Variants in MRPL1 observed in about 807,000 individuals in gnomAD.
The protein encoded by MRPL1 is large ribosomal subunit protein uL1m.
A neutral mutation model predicts 38.0 loss-of-function variants in MRPL1; 28 were observed. The ratio of observed to expected loss-of-function variants is 0.74; its 90% CI spans 0.55 to 1.01. The LOEUF (loss-of-function observed/expected upper bound fraction) is 1.01. MRPL1 is among the 50% of genes least tolerant of loss of function. The probability of loss-of-function intolerance (pLI) is 0.00; values close to 1 mark genes in which losing one functional copy is unlikely to be tolerated. For synonymous variants in MRPL1, 123 were observed against 126.7 expected (o/e 0.97, Z 0.20); for missense variants, 358 against 389.8 (o/e 0.92, Z 0.69).
intron 1 of MRPL1, among the ~76,000 whole-genome samples, chr4:77,867,117 A>G (rs1735165149): frequency 6.6e-6 from 1 of 152,106 alleles, no homozygotes; most frequent in Admixed American, 6.5e-5. Flanking sequence ...TTCCACTGAT[A>G]CAATCCCTTT....
chr4:77,920,535 T>C (rs1736543618), intron 7 of MRPL1, among the ~76,000 whole-genome samples: 1 of 152,192 alleles, frequency 6.6e-6, no homozygotes, highest in Non-Finnish European at 1.5e-5. Context: ...TAGTAAGCTC[T>C]TTCCCAAAAA....
intron 7 of MRPL1, among the ~76,000 whole-genome samples, chr4:77,937,605 T>G (rs1737018015): frequency 6.6e-6 from 1 of 152,202 alleles, no homozygotes; most frequent in Non-Finnish European, 1.5e-5. Flanking sequence ...TACCACCCAG[T>G]CTTTACAGAT....
chr4:77,907,915 A>T (rs1736196580), intron 6 of MRPL1, among the ~76,000 whole-genome samples: 1 of 143,624 alleles, frequency 7.0e-6, no homozygotes. Flanking sequence ...TTTGAGACAG[A>T]GTCTTGCTCT....
chr4:77,864,977 C>T (rs950199490), intron 1 of MRPL1, among the ~76,000 whole-genome samples: 1 of 150,986 alleles, frequency 6.6e-6, no homozygotes, highest in Non-Finnish European at 1.5e-5. Flanking sequence ...GCAACCTCTG[C>T]CTCCCGGGTT....
chr4:77,895,448 C>T (rs369452188), intron 6 of MRPL1, among the ~76,000 whole-genome samples: 16 of 152,098 alleles, frequency 1.1e-4, no homozygotes, highest in African/African-American at 3.9e-4. Flanking sequence ...TTAATGGAAA[C>T]AGGGAGTACA....
At position 77,871,589 on chromosome 4, in the gene MRPL1, A is replaced by C. The variant is rs144313974; in HGVS notation, c.32-155A>C. Among the ~76,000 whole-genome samples, 1,022 of 152,262 alleles carry C rather than the reference A, an allele frequency of 6.7e-3. 10 individuals are homozygous for C. The highest frequency in any genetic ancestry group is 0.023 in the African/African-American group (954 of 41,550). On this transcript the variant is annotated intron_variant, in intron 1 of 8. Coordinates refer to ENST00000315567, the MANE Select transcript of MRPL1 (RefSeq NM_020236.4). ...AAAGTACTGGGATTACAGGCATGAGACACTGTGCCTGGCTATTATTACACT... is the reference window on the plus strand; with the variant it reads ...AAAGTACTGGGATTACAGGCATGAGCCACTGTGCCTGGCTATTATTACACT...
chr4:77,908,632 A>T (rs950196822), intron 6 of MRPL1, among the ~76,000 whole-genome samples: 1 of 152,206 alleles, frequency 6.6e-6, no homozygotes, highest in East Asian at 1.9e-4. Flanking sequence ...ATACTTAGGT[A>T]TTAGTTATCC....
intron 7 of MRPL1, among the ~76,000 whole-genome samples, chr4:77,947,012 A>G (rs1244837001): frequency 2.7e-5 from 1 of 36,756 alleles, no homozygotes; most frequent in Non-Finnish European, 7.1e-5. Context: ...TCAATGGGAC[A>G]AAAAAAAAAA....
At chr4:77,907,223 A>T in intron 6 of MRPL1, 1 of 934,894 alleles carries the variant, frequency 1.1e-6, no homozygotes, top group Non-Finnish European at 1.3e-6. Context: ...AAGTTATGGT[A>T]TAGTGGAATA....
chr4:77,891,001 C>T (rs1335703278), intron 5 of MRPL1, among the ~76,000 whole-genome samples: 1 of 151,948 alleles, frequency 6.6e-6, no homozygotes, highest in Non-Finnish European at 1.5e-5. Context: ...TAAAAGTACT[C>T]TAAATTTGGT....
intron 2 of MRPL1, among the ~76,000 whole-genome samples, chr4:77,873,009 G>T (rs1282593940): frequency 6.6e-6 from 1 of 152,142 alleles, no homozygotes; most frequent in East Asian, 1.9e-4. Context: ...CTCTAGCCTG[G>T]GCAACAGAGG....
chr4:77,945,334 T>G (rs897236063), intron 7 of MRPL1, among the ~76,000 whole-genome samples: 12 of 152,046 alleles, frequency 7.9e-5, no homozygotes, highest in Admixed American at 3.3e-4. Flanking sequence ...TTGGAAGAGA[T>G]TTTGGAGGAC....
At chr4:77,922,119 T>C (rs1736594580) in intron 7 of MRPL1, among the ~76,000 whole-genome samples, 1 of 152,156 alleles carries the variant, frequency 6.6e-6, no homozygotes, top group Non-Finnish European at 1.5e-5. Context: ...AAAGAAAGTA[T>C]TTTAGATGGA....
chr4:77,935,455 C>G (rs778663311), intron 7 of MRPL1, among the ~76,000 whole-genome samples: 1 of 151,718 alleles, frequency 6.6e-6, no homozygotes, highest in Non-Finnish European at 1.5e-5. Flanking sequence ...AGTGCAGTGG[C>G]GCATCTTGGC....
intron 7 of MRPL1, among the ~76,000 whole-genome samples, chr4:77,932,871 T>G (rs1436324038): frequency 6.6e-6 from 1 of 151,078 alleles, no homozygotes; most frequent in Non-Finnish European, 1.5e-5. Context: ...ACTAAAAAGG[T>G]TGGGACCACT....
At chr4:77,914,603 TTA>T (rs149005324) in intron 7 of MRPL1, among the ~76,000 whole-genome samples, 86 of 152,298 alleles carry the variant, frequency 5.6e-4, no homozygotes, top group African/African-American at 2.0e-3. Context: ...ATTATTAGAA[TTA>T]TCTTATAGTT....
rs574098483 is a variant in MRPL1 at position 77,883,321 on chromosome 4, T to C, written c.223T>C (p.Tyr75His). The part of the protein sequence containing the change: ...KKDEIEKIKA[Y>H]PYMEGEPEDD... ...AGATGAAATAGAAAAAATAAAAGCA[T>C]ATCCCTATATGGAAGGCGAACCTGA... Residue 75 changes from tyrosine to histidine, a missense_variant, in exon 3 of 9, where the codon TAT becomes CAT. Physicochemically the swap from Tyr to His is moderately conservative, Grantham distance 83. Transcript: ENST00000315567. The C allele has an allele frequency of 3.7e-6, 6 of 1,612,038 alleles. No homozygotes were observed. In the African/African-American group the frequency reaches 8.0e-5, roughly 22 times the overall value.
At chr4:77,888,002 G>A (rs1450786826) in intron 5 of MRPL1, among the ~76,000 whole-genome samples, 2 of 152,078 alleles carry the variant, frequency 1.3e-5, no homozygotes, top group Admixed American at 6.6e-5. Context: ...TGATACCCAT[G>A]GACACCTCTA....
intron 1 of MRPL1, 80 bp downstream of exon 1, chr4:77,862,959 G>C: frequency 6.4e-7 from 1 of 1,553,832 alleles, no homozygotes; most frequent in Non-Finnish European, 8.8e-7. Context: ...GGCGGATTCT[G>C]CTCTGGGTGC....
Sources: allele counts gnomAD v4.1 joint callset (sites outside exome capture counted in the v4.1 genomes callset), GRCh38; gene constraint gnomAD v4.1.1; transcripts MANE v1.5; gene names NCBI Gene and HGNC (gene_info 2026-07-23, HGNC 2026-07-21).